Variants in GRHL2 observed in about 807,000 individuals in gnomAD.
GRHL2 encodes the protein grainyhead like transcription factor 2, also known as grainyhead-like protein 2 homolog.
In GRHL2, 21 loss-of-function variants were observed where a neutral mutation model predicts 83.8. That is an observed-to-expected ratio of 0.25 (90% CI 0.18 to 0.36). The LOEUF (loss-of-function observed/expected upper bound fraction) is 0.36. Ranked by LOEUF, GRHL2 falls within the 10% of genes least tolerant of loss-of-function variation. GRHL2 has a pLI of 1.00. For synonymous variants in GRHL2, 280 were observed against 278.9 expected (o/e 1.00, Z -0.04); for missense variants, 623 against 781.8 (o/e 0.80, Z 2.42).
chr8:101,619,439 T>C (rs1812918530), intron 8 of GRHL2, 100 bp from the exon 9 acceptor site: 2 of 944,848 alleles, frequency 2.1e-6, no homozygotes, highest in South Asian at 2.6e-5. Context: ...GTTGTCTTTA[T>C]GGGGTTGTTT....
intron 14 of GRHL2, among the ~76,000 whole-genome samples, chr8:101,650,180 G>A (rs968042875): frequency 6.6e-6 from 1 of 152,192 alleles, no homozygotes; most frequent in African/African-American, 2.4e-5. Flanking sequence ...CAGGAACACA[G>A]TTCAAAATTG....
downstream of GRHL2, among the ~76,000 whole-genome samples, chr8:101,673,871 T>C (rs1814249164): frequency 6.6e-6 from 1 of 152,048 alleles, no homozygotes; most frequent in African/African-American, 2.4e-5. Flanking sequence ...CAGACCACAG[T>C]GCAATCAAAC....
At chr8:101,626,411 A>G (rs1563614566) in intron 9 of GRHL2, among the ~76,000 whole-genome samples, 1 of 152,124 alleles carries the variant, frequency 6.6e-6, no homozygotes, top group Admixed American at 6.6e-5. Context: ...CTGTTTATAT[A>G]GCTACATACA....
intron 7 of GRHL2, among the ~76,000 whole-genome samples, chr8:101,591,428 C>A (rs907243476): frequency 6.6e-6 from 1 of 152,186 alleles, no homozygotes; most frequent in African/African-American, 2.4e-5. Context: ...AGCACCCCAA[C>A]CTTGTCCTTC....
Position 101,631,642 on chromosome 8 carries a change from A to T in GRHL2, c.1263A>T (p.Ala421=). The T allele has an allele frequency of 3.1e-6, 5 of 1,613,388 alleles. No individual in the cohort carries two copies. The highest frequency in any genetic ancestry group is 3.4e-6 in the Non-Finnish European group (4 of 1,179,528). The change falls in exon 10 of 16, where the codon GCA becomes GCT. Residue 421 remains alanine (A), a synonymous_variant. Coordinates refer to ENST00000646743, the MANE Select transcript of GRHL2 (RefSeq NM_024915.4). ...ATTTGTTTTTTTCCTATCAGGGAGC[A>T]GAAAGAAAAATCCGAGATGAAGAGC... ...CQIKVFCDKG[A]ERKIRDEERK... is the part of the protein sequence containing the mutation.
chr8:101,573,597 A>G, intron 5 of GRHL2, 71 bp from the exon 6 acceptor site: 1 of 1,556,118 alleles, frequency 6.4e-7, no homozygotes, highest in South Asian at 1.1e-5. Context: ...AAATGCTATG[A>G]TGTGAAATTG....
intron 1 of GRHL2, among the ~76,000 whole-genome samples, chr8:101,536,293 A>T (rs1222408133): frequency 2.0e-5 from 3 of 152,208 alleles, no homozygotes; most frequent in African/African-American, 7.2e-5. Context: ...TTCTATGAAG[A>T]TTATTTCACT....
At chr8:101,508,891 G>A (rs1424195578) in intron 1 of GRHL2, among the ~76,000 whole-genome samples, 1 of 151,704 alleles carries the variant, frequency 6.6e-6, no homozygotes, top group East Asian at 1.9e-4. Flanking sequence ...ACATAATTTA[G>A]GAAAAAAAAG....
chr8:101,611,081 C>T (rs781659664), intron 8 of GRHL2, among the ~76,000 whole-genome samples: 1 of 150,826 alleles, frequency 6.6e-6, no homozygotes, highest in Non-Finnish European at 1.5e-5. Context: ...GGTCACAATG[C>T]TCCTAAAAAT....
chr8:101,551,136 A>G (rs999872184), intron 2 of GRHL2, among the ~76,000 whole-genome samples: 1 of 152,214 alleles, frequency 6.6e-6, no homozygotes, highest in African/African-American at 2.4e-5. Context: ...ACTATCATTT[A>G]TCTCATTTCT....
intron 9 of GRHL2, among the ~76,000 whole-genome samples, 163 bp from the exon 10 acceptor site, chr8:101,631,474 G>C (rs1381119065): frequency 6.6e-6 from 1 of 152,212 alleles, no homozygotes; most frequent in Non-Finnish European, 1.5e-5. Flanking sequence ...AGTGGTCTTG[G>C]CTTTCAGAGC....
At chr8:101,623,931 CACAGTACACAGTAGG>C (rs1479382874) in intron 9 of GRHL2, among the ~76,000 whole-genome samples, 1 of 147,876 alleles carries the variant, frequency 6.8e-6, no homozygotes, top group Non-Finnish European at 1.5e-5. Flanking sequence ...TAGAACAGGT[CACAGTACACAGTAGG>C]ACAGTACGCA....
At chr8:101,585,427 C>A (rs1812144373) in intron 7 of GRHL2, among the ~76,000 whole-genome samples, 1 of 152,024 alleles carries the variant, frequency 6.6e-6, no homozygotes, top group Non-Finnish European at 1.5e-5. Context: ...ATTAAAAAAA[C>A]AAAATCCAAG....
chr8:101,525,794 C>A (rs1810791587), intron 1 of GRHL2, among the ~76,000 whole-genome samples: 1 of 152,084 alleles, frequency 6.6e-6, no homozygotes, highest in South Asian at 2.1e-4. Flanking sequence ...CATGGTAAAA[C>A]CCCACCTCTA....
At chr8:101,573,266 A>G (rs979413095) in intron 5 of GRHL2, among the ~76,000 whole-genome samples, 3 of 151,374 alleles carry the variant, frequency 2.0e-5, no homozygotes, top group Non-Finnish European at 4.4e-5. Flanking sequence ...AAGGTTAGGT[A>G]TATACATGAA....
intron 1 of GRHL2, among the ~76,000 whole-genome samples, chr8:101,517,917 A>G (rs1000948373): frequency 3.3e-5 from 5 of 152,164 alleles, no homozygotes; most frequent in African/African-American, 4.8e-5. Flanking sequence ...GTGACACCAG[A>G]TAGAAGAGAC....
intron 7 of GRHL2, among the ~76,000 whole-genome samples, chr8:101,578,254 G>A (rs1466997339): frequency 1.3e-5 from 2 of 152,218 alleles, no homozygotes; most frequent in African/African-American, 2.4e-5. Flanking sequence ...GAGGAGGTGG[G>A]TGTTGGAGGA....
intron 14 of GRHL2, among the ~76,000 whole-genome samples, chr8:101,652,330 G>GTGGT (rs1563626547): frequency 3.9e-5 from 4 of 101,630 alleles, no homozygotes; most frequent in Non-Finnish European, 7.3e-5. Flanking sequence ...GTGTGTGTGT[G>GTGGT]GTGTGTGTGT....
At chr8:101,620,014 A>G (rs1812932886) in intron 9 of GRHL2, among the ~76,000 whole-genome samples, 1 of 152,120 alleles carries the variant, frequency 6.6e-6, no homozygotes, top group South Asian at 2.1e-4. Flanking sequence ...GTATTCCTCA[A>G]AGTTCTAGAG....
Sources: allele counts gnomAD v4.1 joint callset (sites outside exome capture counted in the v4.1 genomes callset), GRCh38; gene constraint gnomAD v4.1.1; transcripts MANE v1.5; gene names NCBI Gene and HGNC (gene_info 2026-07-23, HGNC 2026-07-21).